The following CACNA2D3 variants were observed in gnomAD, a reference collection of about 807,000 sequenced individuals.
The protein encoded by CACNA2D3 is voltage-dependent calcium channel subunit alpha-2/delta-3.
In CACNA2D3, 60 loss-of-function variants were observed where a neutral mutation model predicts 160.6. That is an observed-to-expected ratio of 0.37 (90% confidence interval 0.30 to 0.46). The LOEUF (loss-of-function observed/expected upper bound fraction) is 0.46. Among genes scored for constraint, CACNA2D3 ranks in the 20% least tolerant of loss-of-function variants. The pLI is 1.00. For synonymous variants in CACNA2D3, 558 were observed against 492.9 expected, an observed-to-expected ratio of 1.13 and a Z score of -1.75; for missense variants, 1,205 against 1,365.0, an observed-to-expected ratio of 0.88 and a Z score of 1.85.
chr3:54,179,189 G>T (rs1700732505), intron 2 of CACNA2D3, among the ~76,000 whole-genome samples: 1 of 152,146 alleles, frequency 6.6e-6, no homozygotes, highest in African/African-American at 2.4e-5. Flanking sequence ...AAGAGAAATA[G>T]CCATGAAAGA....
At chr3:54,722,751 G>T (rs1205437990) in intron 11 of CACNA2D3, among the ~76,000 whole-genome samples, 1 of 152,146 alleles carries the variant, frequency 6.6e-6, no homozygotes, top group African/African-American at 2.4e-5. Context: ...TTGCTGCCTG[G>T]TCTTTCCTCT....
At chr3:54,338,190 G>C (rs191787743) in intron 3 of CACNA2D3, among the ~76,000 whole-genome samples, 1 of 152,244 alleles carries the variant, frequency 6.6e-6, no homozygotes, top group South Asian at 2.1e-4. Context: ...GGCGCACAAA[G>C]GCGCTGCAGT....
At chr3:54,763,580 T>C (rs1264263965) in intron 12 of CACNA2D3, among the ~76,000 whole-genome samples, 1 of 150,638 alleles carries the variant, frequency 6.6e-6, no homozygotes, top group East Asian at 2.0e-4. Context: ...CTGTCATTTG[T>C]ACCAGGGAAT....
chr3:55,000,005 A>C (rs560042796), intron 31 of CACNA2D3, among the ~76,000 whole-genome samples: 1 of 152,300 alleles, frequency 6.6e-6, no homozygotes, highest in Admixed American at 6.5e-5. Flanking sequence ...ATGTGGGCAC[A>C]CAGCGATGCT....
At chr3:54,392,538 T>C (rs1699299504) in intron 4 of CACNA2D3, among the ~76,000 whole-genome samples, 1 of 152,140 alleles carries the variant, frequency 6.6e-6, no homozygotes, top group Non-Finnish European at 1.5e-5. Flanking sequence ...AAGAGAAGTG[T>C]GGTGACATTC....
intron 4 of CACNA2D3, among the ~76,000 whole-genome samples, chr3:54,432,323 GTTATTA>G (rs774786576): frequency 6.6e-6 from 1 of 151,978 alleles, no homozygotes; most frequent in African/African-American, 2.4e-5. Flanking sequence ...CAATGATCTT[GTTATTA>G]TTATTATTTC....
chr3:54,246,679 G>C, intron 2 of CACNA2D3, among the ~76,000 whole-genome samples: 1 of 150,810 alleles, frequency 6.6e-6, no homozygotes, highest in East Asian at 1.9e-4. Flanking sequence ...AGCTGAGATT[G>C]CACTATTGCA....
chr3:54,576,690 A>AT (rs1445743014), intron 8 of CACNA2D3, among the ~76,000 whole-genome samples: 3 of 152,190 alleles, frequency 2.0e-5, no homozygotes, highest in African/African-American at 7.2e-5. Flanking sequence ...GCTTGTTGTT[A>AT]TTTTTGGAGG....
intron 2 of CACNA2D3, among the ~76,000 whole-genome samples, chr3:54,291,573 A>G (rs1372893699): frequency 6.6e-6 from 1 of 152,170 alleles, no homozygotes; most frequent in African/African-American, 2.4e-5. Flanking sequence ...GTTAATTACT[A>G]TGGACTAGGA....
At chr3:54,162,283 G>T (rs1169909781) in intron 2 of CACNA2D3, among the ~76,000 whole-genome samples, 1 of 152,162 alleles carries the variant, frequency 6.6e-6, no homozygotes, top group Non-Finnish European at 1.5e-5. Flanking sequence ...GGACACGGGA[G>T]GGGTGGCCTG....
chr3:54,697,762 C>T (rs1381635303), intron 11 of CACNA2D3, among the ~76,000 whole-genome samples: 3 of 152,122 alleles, frequency 2.0e-5, no homozygotes, highest in Non-Finnish European at 2.9e-5. Flanking sequence ...TTCAAATCAC[C>T]GATTTTAATG....
intron 21 of CACNA2D3, among the ~76,000 whole-genome samples, chr3:54,882,337 G>C (rs529297836): frequency 6.6e-6 from 1 of 152,190 alleles, no homozygotes; most frequent in Non-Finnish European, 1.5e-5. Context: ...TGCTCCCTTG[G>C]TCAATCCTCA....
intron 3 of CACNA2D3, among the ~76,000 whole-genome samples, chr3:54,357,461 A>T (rs948074649): frequency 6.6e-6 from 1 of 152,338 alleles, no homozygotes; most frequent in Middle Eastern, 3.4e-3. Context: ...ACTCTTGTTC[A>T]TTGCTGGCAG....
chr3:54,962,923 G>T (rs961455655), intron 27 of CACNA2D3, among the ~76,000 whole-genome samples: 1 of 152,096 alleles, frequency 6.6e-6, no homozygotes, highest in South Asian at 2.1e-4. Context: ...AAATGAATAC[G>T]ATATGAGAAA....
At position 54,313,056 on chromosome 3, in the gene CACNA2D3, A is replaced by G. The variant is rs140769611; in HGVS notation, c.205-7386A>G. Among the ~76,000 whole-genome samples the G allele has an allele frequency of 3.9e-4, 60 of 152,296 alleles. No homozygotes were observed. In the East Asian group the frequency reaches 0.011, roughly 27 times the overall value. ...AAATGCCAAGAGGGAAAAATAAGGT[A>G]GCACTAGGATTTGGGGTGGTTCATT... is the stretch of plus-strand genomic sequence containing the variant. On this transcript the variant is annotated intron_variant, in intron 2 of 37. Coordinates refer to ENST00000474759, the MANE Select transcript of CACNA2D3 (RefSeq NM_018398.3).
intron 3 of CACNA2D3, among the ~76,000 whole-genome samples, chr3:54,326,084 A>G (rs74948738): frequency 1.5e-3 from 229 of 152,330 alleles, no homozygotes; most frequent in Admixed American, 0.01. Flanking sequence ...GTTGTACAGT[A>G]ATTCAATTTC....
At chr3:54,217,255 G>C (rs1009965959) in intron 2 of CACNA2D3, among the ~76,000 whole-genome samples, 1 of 152,114 alleles carries the variant, frequency 6.6e-6, no homozygotes, top group African/African-American at 2.4e-5. Context: ...CTGGGCCCAG[G>C]GGGGCTGGCT....
At chr3:54,722,341 A>G (rs189729875) in intron 11 of CACNA2D3, among the ~76,000 whole-genome samples, 4 of 152,230 alleles carry the variant, frequency 2.6e-5, no homozygotes, top group African/African-American at 9.6e-5. Context: ...GCTTCCTTGC[A>G]TTGGGTTAGA....
chr3:54,431,748 TA>T (rs1699994023), intron 4 of CACNA2D3, among the ~76,000 whole-genome samples: 1 of 152,066 alleles, frequency 6.6e-6, no homozygotes. Flanking sequence ...GCTGGGATTA[TA>T]AGTGGTGCCA....
Sources: allele counts gnomAD v4.1 joint callset (sites outside exome capture counted in the v4.1 genomes callset), GRCh38; gene constraint gnomAD v4.1.1; transcripts MANE v1.5; gene names NCBI Gene and HGNC (gene_info 2026-07-23, HGNC 2026-07-21).